The following PATJ variants were observed in gnomAD, a reference collection of about 807,000 sequenced individuals.
PATJ encodes inaD-like protein.
Under a neutral mutation model 224.9 loss-of-function variants are expected in PATJ, and 190 were observed. The ratio of observed to expected loss-of-function variants is 0.84; its 90% CI spans 0.75 to 0.95. The LOEUF is 0.95. Among genes scored for constraint, PATJ ranks in the 40% least tolerant of loss-of-function variants. The probability of loss-of-function intolerance (pLI) is 0.00; values close to 1 mark genes in which losing one functional copy is unlikely to be tolerated. For synonymous variants in PATJ, 769 were observed against 820.3 expected, an observed-to-expected ratio of 0.94 and a Z score of 1.07; for missense variants, 2,121 against 2,270.3, an observed-to-expected ratio of 0.93 and a Z score of 1.34.
chr1:61,871,458 T>TGTATATATATAC (rs1666478420), intron 20 of PATJ, among the ~76,000 whole-genome samples: 4 of 14,968 alleles, frequency 2.7e-4, no homozygotes, highest in Admixed American at 1.1e-3. Context: ...TATATATGCG[T>TGTATATATATAC]ATATATATGT....
intron 32 of PATJ, among the ~76,000 whole-genome samples, chr1:62,081,467 G>T (rs1479971984): frequency 1.3e-5 from 2 of 152,236 alleles, no homozygotes; most frequent in Admixed American, 6.5e-5. Context: ...GGAGGGAAAA[G>T]AAATGCCATC....
intron 4 of PATJ, 33 bp downstream of exon 4, chr1:61,766,506 C>T (rs2148325607): frequency 1.4e-6 from 2 of 1,434,182 alleles, no homozygotes; most frequent in African/African-American, 1.4e-5. Flanking sequence ...AAATATTTAG[C>T]TTCATTTCTC....
intron 17 of PATJ, among the ~76,000 whole-genome samples, chr1:61,851,621 C>T (rs1044610977): frequency 6.6e-5 from 10 of 152,054 alleles, no homozygotes; most frequent in Admixed American, 1.3e-4. Flanking sequence ...GTAGGTATCC[C>T]TGAAGTACTG....
rs767004758 is a variant in PATJ at position 61,749,141 on chromosome 1, A to AT, written c.-36+6602dup. On this transcript the variant is annotated intron_variant, in intron 1 of 43. Coordinates refer to ENST00000642238, the MANE Select transcript of PATJ (RefSeq NM_001350145.3). The stretch of plus-strand genomic sequence containing the variant: ...CAGGTGCCCGCCACCACGCCCAGCT[A>AT]TTTTTTTTTTTTTTTTAAACAGAGT... Among the ~76,000 whole-genome samples, 666 of 136,508 alleles carry AT rather than the reference A, an allele frequency of 4.9e-3. 3 individuals carry two copies. The highest frequency in any genetic ancestry group is 5.4e-3 in the Non-Finnish European group (340 of 62,574). The allele number at this position is 136,508 out of a possible 152,430, so 89.6% of individuals were successfully genotyped here.
intron 1 of PATJ, among the ~76,000 whole-genome samples, chr1:61,760,241 G>A (rs1321218660): frequency 6.6e-6 from 1 of 152,162 alleles, no homozygotes. Flanking sequence ...TGAATCCAGT[G>A]AACATTTGGA....
intron 13 of PATJ, among the ~76,000 whole-genome samples, chr1:61,805,925 G>A (rs149029296): frequency 2.6e-4 from 40 of 152,318 alleles, no homozygotes; most frequent in African/African-American, 8.7e-4. Context: ...GTGGATATTA[G>A]TCCTATGTTT....
At chr1:62,100,522 G>T (rs780444563) in intron 33 of PATJ, 6 of 612,534 alleles carry the variant, frequency 9.8e-6, no homozygotes, top group Admixed American at 8.3e-5. Flanking sequence ...ACCCAATCAC[G>T]CCTTAAAGGT....
chr1:61,759,707 C>T (rs1055947947), intron 1 of PATJ, among the ~76,000 whole-genome samples: 1 of 152,218 alleles, frequency 6.6e-6, no homozygotes, highest in African/African-American at 2.4e-5. Flanking sequence ...AGCGCCCGGG[C>T]TGATCGCTTT....
chr1:62,079,596 C>G (rs757920177), intron 32 of PATJ, 29 bp downstream of exon 32: 5 of 1,408,418 alleles, frequency 3.6e-6, no homozygotes, highest in Non-Finnish European at 5.0e-6. Context: ...GCAGATCTGG[C>G]TCATTAAGCC....
intron 33 of PATJ, among the ~76,000 whole-genome samples, chr1:62,087,968 C>T (rs528818670): frequency 1.3e-5 from 2 of 151,054 alleles, no homozygotes; most frequent in East Asian, 2.0e-4. Context: ...CTCGGCTCAC[C>T]GCAACCTCCG....
rs1663583726 is a variant in PATJ at position 61,855,957 on chromosome 1, A to G, written c.2113-73A>G. 4.7e-6 allele frequency: 5 copies of G among 1,073,454 alleles called. No homozygotes were observed. The East Asian group carries it at 7.1e-5, about 15-fold the overall frequency. 66.5% of individuals were successfully genotyped at this position (1,073,454 alleles called of 1,614,324 possible). A position where few individuals can be genotyped will look rare whatever the true frequency, so the allele number is the denominator to read the frequency against. On this transcript the variant is annotated intron_variant, in intron 17 of 43. Transcript: ENST00000642238. ...GTGGTCAAATAAGATTCATCAGTCAACTCAAGCTGTCCTAAGGCTGCATAT... is the reference window on the plus strand; with the variant it reads ...GTGGTCAAATAAGATTCATCAGTCAGCTCAAGCTGTCCTAAGGCTGCATAT...
chr1:61,855,958 C>G, intron 17 of PATJ, 72 bp from the exon 18 acceptor site: 1 of 1,094,606 alleles, frequency 9.1e-7, no homozygotes, highest in African/African-American at 1.5e-5. Context: ...CATCAGTCAA[C>G]TCAAGCTGTC....
At chr1:61,922,172 A>G (rs986899087) in intron 26 of PATJ, among the ~76,000 whole-genome samples, 2 of 151,992 alleles carry the variant, frequency 1.3e-5, no homozygotes, top group Admixed American at 6.6e-5. Flanking sequence ...ACTCCTAAAT[A>G]GCTGGGACTA....
chr1:61,833,544 C>A, intron 16 of PATJ, 110 bp from the exon 17 acceptor site: 2 of 1,076,960 alleles, frequency 1.9e-6, no homozygotes, highest in Non-Finnish European at 2.6e-6. Context: ...ACTACGCATG[C>A]CAAAGAGAAT....
At chr1:61,933,960 G>A (rs1676428765) in intron 27 of PATJ, among the ~76,000 whole-genome samples, 2 of 151,812 alleles carry the variant, frequency 1.3e-5, no homozygotes, top group South Asian at 4.2e-4. Context: ...TTTCGAGATG[G>A]AGTCTTGCTC....
At chr1:61,914,550 CG>C in intron 25 of PATJ, 36 bp from the exon 26 acceptor site, 1 of 1,005,850 alleles carries the variant, frequency 9.9e-7, no homozygotes, top group Admixed American at 2.2e-5. Flanking sequence ...GTCGTTTAAA[CG>C]TTTTCTTCCC....
chr1:62,075,457 A>C (rs1658128192), intron 31 of PATJ, among the ~76,000 whole-genome samples: 1 of 152,238 alleles, frequency 6.6e-6, no homozygotes, highest in African/African-American at 2.4e-5. Flanking sequence ...ACAACCTTGC[A>C]AGATATAGAT....
chr1:61,873,995 C>T (rs1331229512), intron 20 of PATJ, among the ~76,000 whole-genome samples: 1 of 152,068 alleles, frequency 6.6e-6, no homozygotes, highest in African/African-American at 2.4e-5. Flanking sequence ...CCACCCTCCT[C>T]ACTCTTCAGT....
chr1:61,938,754 T>G (rs1167889363), intron 27 of PATJ, among the ~76,000 whole-genome samples: 2 of 152,100 alleles, frequency 1.3e-5, no homozygotes, highest in African/African-American at 4.8e-5. Context: ...GCATTAAAAT[T>G]GGTGTAGAAA....
Sources: allele counts gnomAD v4.1 joint callset (sites outside exome capture counted in the v4.1 genomes callset), GRCh38; gene constraint gnomAD v4.1.1; transcripts MANE v1.5; gene names NCBI Gene and HGNC (gene_info 2026-07-23, HGNC 2026-07-21).